The following RABL6 variants were observed in gnomAD, a reference collection of about 807,000 sequenced individuals.
The protein encoded by RABL6 is RAB, member RAS oncogene family like 6.
In RABL6, 28 loss-of-function variants were observed where a neutral mutation model predicts 72.9. The ratio of observed to expected loss-of-function variants is 0.38; its 90% CI spans 0.28 to 0.53. The LOEUF is 0.53. RABL6 is among the 20% of genes least tolerant of loss of function. The probability of loss-of-function intolerance (pLI) is 0.80; values close to 1 mark genes in which losing one functional copy is unlikely to be tolerated. For missense variants in RABL6, 1,029 were observed against 1,008.4 expected, an observed-to-expected ratio of 1.02 and a Z score of -0.28; for synonymous variants, 477 against 421.2, an observed-to-expected ratio of 1.13 and a Z score of -1.62.
Position 136,821,971 on chromosome 9 carries a change from G to A in RABL6, c.131-1554G>A, listed in dbSNP as rs1268130436. ...TGGCCGGCGCCGAGATATGACCAGA[G>A]GCGTTGAAAGTTGGCGCGTTGAGGT... On this transcript the variant is annotated intron_variant, in intron 1 of 14. Transcript: ENST00000311502. The A allele has an allele frequency of 2.2e-5, 28 of 1,289,474 alleles. 1 individual carries two copies. In the South Asian group the frequency reaches 2.6e-4, roughly 12 times the overall value. The allele number at this position is 1,289,474 out of a possible 1,614,324, so 79.9% of individuals were successfully genotyped here. A position where few individuals can be genotyped will look rare whatever the true frequency, so the allele number is the denominator to read the frequency against.
intron 8 of RABL6, 26 bp from the exon 9 acceptor site, chr9:136,837,320 C>G: frequency 6.3e-7 from 1 of 1,586,462 alleles, no homozygotes; most frequent in Non-Finnish European, 8.6e-7. Context: ...GGGAGCCAGG[C>G]TTCTCACCCG....
intron 7 of RABL6, chr9:136,833,414 C>G (rs571131569): frequency 2.4e-6 from 1 of 410,118 alleles, no homozygotes; most frequent in African/African-American, 2.2e-5. Flanking sequence ...TCTGGGGGAC[C>G]TGAACCTCCT....
At chr9:136,837,289 G>A (rs1297303016) in intron 8 of RABL6, 57 bp from the exon 9 acceptor site, 6 of 1,505,960 alleles carry the variant, frequency 4.0e-6, no homozygotes, top group East Asian at 2.4e-5. Context: ...CCTGTCACCT[G>A]AGGGCCTCAG....
At chr9:136,808,829 A>G (rs1362129985) in intron 1 of RABL6, 1 of 98,012 alleles carries the variant, frequency 1.0e-5, no homozygotes, top group Non-Finnish European at 2.1e-5. Flanking sequence ...GCTACGCCAC[A>G]CATTCTCGCC....
chr9:136,828,419 T>TG (rs898614051), intron 3 of RABL6, 75 bp from the exon 4 acceptor site: 19 of 1,500,942 alleles, frequency 1.3e-5, no homozygotes, highest in Admixed American at 5.2e-5. Context: ...TGAGTGGCCA[T>TG]GGGGGGACCA....
intron 5 of RABL6, among the ~76,000 whole-genome samples, chr9:136,830,000 C>T (rs1379188337): frequency 6.6e-6 from 1 of 152,350 alleles, no homozygotes; most frequent in East Asian, 1.9e-4. Flanking sequence ...AGTGCAGTGT[C>T]CCCCAGGACG....
Position 136,840,651 on chromosome 9 carries a change from G to T in RABL6, c.*129G>T. 6.5e-7 allele frequency: 1 copy of T among 1,549,550 alleles called. No individual in the cohort carries two copies. Among genetic ancestry groups the T allele is most frequent in the Non-Finnish European group, 8.7e-7 (1 of 1,146,834 alleles). On this transcript the variant is annotated 3_prime_UTR_variant, in exon 15 of 15. Transcript: ENST00000311502. ...CGTGTGCGCTTCTGAGCTGGAAGAG[G>T]CCGGGCATTGGTGGTCCCCAGGCTG...
chr9:136,818,999 A>G (rs1848182835), intron 1 of RABL6, among the ~76,000 whole-genome samples: 1 of 152,138 alleles, frequency 6.6e-6, no homozygotes. Context: ...TTCCAAATAA[A>G]TACCAGGTAG....
chr9:136,838,163 G>A (rs11145899), intron 10 of RABL6, 148 bp downstream of exon 10: 26,499 of 1,066,072 alleles, frequency 0.025, 438 homozygotes, highest in Non-Finnish European at 0.03. Context: ...TCTGTGGCTG[G>A]AGCAGACGAG....
At chr9:136,817,785 C>T (rs1046281754) in intron 1 of RABL6, among the ~76,000 whole-genome samples, 20 of 152,130 alleles carry the variant, frequency 1.3e-4, no homozygotes, top group African/African-American at 4.3e-4. Flanking sequence ...CAAAGGGGGC[C>T]GGGTGCTGGC....
At position 136,839,699 on chromosome 9, in the gene RABL6, C is replaced by G. The variant is rs745696678; in HGVS notation, c.1764C>G (p.Asp588Glu). 1.1e-5 allele frequency: 18 copies of G among 1,582,186 alleles called. 1 individual carries two copies. In the East Asian group the frequency reaches 3.1e-4, roughly 28 times the overall value. ...AGTTGCTCTCCCTGCTCCAGGATGA[C>G]TTTCCCGTGCGAGATGACCCCTCCG... ...EGSDTQRRAD[D>E]FPVRDDPSDV... The change falls in exon 13 of 15, where the codon GAC (aspartate) becomes GAG (glutamate). Residue 588 changes from aspartate (D) to glutamate (E), a missense_variant. Physicochemically the swap from Asp to Glu is conservative, Grantham distance 45 (BLOSUM62 2). Around this residue, in one of 2 missense-constraint regions of RABL6, gnomAD observed 595 missense variants for 472.4 expected, o/e 1.26. Coordinates refer to ENST00000311502, the MANE Select transcript of RABL6 (RefSeq NM_024718.5).
chr9:136,819,784 C>T (rs1848201303), intron 1 of RABL6, among the ~76,000 whole-genome samples: 2 of 152,210 alleles, frequency 1.3e-5, no homozygotes, highest in African/African-American at 4.8e-5. Context: ...ACCATCCTCA[C>T]TGGTGCCGTG....
Position 136,841,108 on chromosome 9 carries a change from G to A in RABL6, c.*586G>A. The A allele has an allele frequency of 7.5e-7, 1 of 1,333,116 alleles. No individual in the cohort carries two copies. The highest frequency in any genetic ancestry group is 9.7e-7 in the Non-Finnish European group (1 of 1,027,524). 82.6% of individuals were successfully genotyped at this position (1,333,116 alleles called of 1,614,324 possible). A position where few individuals can be genotyped will look rare whatever the true frequency, so the allele number is the denominator to read the frequency against. ...GTGGCCTCAGCTGCGCCCCCGCTCAGGTGAGCCCGAAGGCAGGAGCCGGGA... is the reference window on the plus strand; with the variant it reads ...GTGGCCTCAGCTGCGCCCCCGCTCAAGTGAGCCCGAAGGCAGGAGCCGGGA... On this transcript the variant is annotated 3_prime_UTR_variant, in exon 15 of 15. Coordinates refer to ENST00000311502, the MANE Select transcript of RABL6 (RefSeq NM_024718.5).
chr9:136,839,167 G>A (rs778940316), intron 11 of RABL6, 46 bp downstream of exon 11: 3 of 1,604,744 alleles, frequency 1.9e-6, no homozygotes, highest in Non-Finnish European at 2.6e-6. Flanking sequence ...ACCCGGGTGG[G>A]GCAGTTCAGG....
intron 7 of RABL6, chr9:136,834,314 T>C (rs1848543631): frequency 9.8e-7 from 1 of 1,021,054 alleles, no homozygotes; most frequent in Non-Finnish European, 1.2e-6. Context: ...CAATAACAAA[T>C]TGAAAAAATA....
At chr9:136,812,791 C>T (rs1257629958) in intron 1 of RABL6, 2 of 365,004 alleles carry the variant, frequency 5.5e-6, no homozygotes, top group East Asian at 1.5e-4. Context: ...GCCGTTCAAA[C>T]TTTGTCTTCT....
intron 10 of RABL6, 34 bp downstream of exon 10, chr9:136,838,049 C>G: frequency 6.5e-7 from 1 of 1,548,002 alleles, no homozygotes; most frequent in East Asian, 2.4e-5. Context: ...TCTCCCATTG[C>G]CCCCCAGCCT....
rs1031701534 is a variant in RABL6, at chr9:136,835,825, G to A, written c.789G>A (p.Thr263=). ...AGGAGCTGTCGGTGCAGCAGGAGAC[G>A]GAGGACCAGAACTACGGCATGTATG... The part of the protein sequence containing the change: ...TLEELSVQQE[T]EDQNYGIFLE... The change falls in exon 8 of 15, where the codon ACG becomes ACA. Residue 263 remains threonine, a synonymous_variant. Coordinates refer to ENST00000311502, the MANE Select transcript of RABL6 (RefSeq NM_024718.5). 19 of 1,554,952 alleles carry A rather than the reference G, an allele frequency of 1.2e-5. No homozygotes were observed. Among genetic ancestry groups the A allele is most frequent in the African/African-American group, 2.7e-5 (2 of 73,224 alleles).
At chr9:136,836,367 G>A (rs1848584721) in intron 8 of RABL6, 2 of 153,156 alleles carry the variant, frequency 1.3e-5, no homozygotes, top group Admixed American at 1.3e-4. Context: ...TCTGCCTCAG[G>A]CTCCTGTACA....
Sources: allele counts gnomAD v4.1 joint callset (sites outside exome capture counted in the v4.1 genomes callset), GRCh38; gene constraint gnomAD v4.1.1; regional missense constraint gnomAD v4.1.1; transcripts MANE v1.5; gene names NCBI Gene and HGNC (gene_info 2026-07-23, HGNC 2026-07-21).